Variants in ITPRID1 observed in about 807,000 individuals in gnomAD.
The protein encoded by ITPRID1 is protein ITPRID1.
ITPRID1 carries 96 observed loss-of-function variants against 95.4 expected under a neutral mutation model. The ratio of observed to expected loss-of-function variants is 1.01; its 90% CI spans 0.85 to 1.19. ITPRID1 has a LOEUF of 1.19. Among genes scored for constraint, ITPRID1 ranks in the 50% most tolerant of loss-of-function variants. The probability of loss-of-function intolerance (pLI) is 0.00; values close to 1 mark genes in which losing one functional copy is unlikely to be tolerated. For synonymous variants in ITPRID1, 510 were observed against 453.6 expected (o/e 1.12, Z -1.58); for missense variants, 1,339 against 1,252.9 (o/e 1.07, Z -1.04).
downstream of ITPRID1, chr7:31,658,318 G>A: frequency 6.6e-7 from 1 of 1,516,232 alleles, no homozygotes; most frequent in Non-Finnish European, 8.8e-7. Context: ...TTCTTCAAAA[G>A]CAAATAACTC....
At chr7:31,583,706 C>G (rs1420422960) in intron 10 of ITPRID1, among the ~76,000 whole-genome samples, 1 of 152,138 alleles carries the variant, frequency 6.6e-6, no homozygotes, top group African/African-American at 2.4e-5. Flanking sequence ...CAGAAACGTT[C>G]AATATTCCTG....
intron 1 of ITPRID1, among the ~76,000 whole-genome samples, chr7:31,516,852 T>C (rs760000479): frequency 4.6e-5 from 7 of 152,178 alleles, no homozygotes; most frequent in Non-Finnish European, 8.8e-5. Flanking sequence ...ACTTCAAGAA[T>C]GAAGCCACAG....
chr7:31,531,546 T>C (rs1051060616), intron 1 of ITPRID1, among the ~76,000 whole-genome samples: 4 of 152,202 alleles, frequency 2.6e-5, no homozygotes, highest in Admixed American at 6.5e-5. Flanking sequence ...TAGGTTTGGC[T>C]GTGTCAGTCA....
chr7:31,520,619 T>G (rs1208443229), intron 1 of ITPRID1, among the ~76,000 whole-genome samples: 1 of 151,848 alleles, frequency 6.6e-6, no homozygotes, highest in East Asian at 1.9e-4. Context: ...TATAAAGTGA[T>G]ATAAGCTCAT....
chr7:31,545,150 C>G (rs1458647458), intron 1 of ITPRID1, among the ~76,000 whole-genome samples: 1 of 152,088 alleles, frequency 6.6e-6, no homozygotes, highest in African/African-American at 2.4e-5. Context: ...AAAGAAGTTT[C>G]TATAGAATAA....
intron 10 of ITPRID1, among the ~76,000 whole-genome samples, chr7:31,585,501 A>G (rs545028234): frequency 6.6e-6 from 1 of 152,328 alleles, no homozygotes; most frequent in East Asian, 1.9e-4. Context: ...TGCTATTTAA[A>G]AGGAAGAAGA....
At chr7:31,645,619 T>C (rs530900361) in intron 12 of ITPRID1, among the ~76,000 whole-genome samples, 1 of 152,080 alleles carries the variant, frequency 6.6e-6, no homozygotes, top group African/African-American at 2.4e-5. Flanking sequence ...ACCACCACCA[T>C]CATCATTATT....
At chr7:31,586,311 T>C (rs1227052203) in intron 10 of ITPRID1, among the ~76,000 whole-genome samples, 1 of 147,888 alleles carries the variant, frequency 6.8e-6, no homozygotes, top group Non-Finnish European at 1.5e-5. Context: ...CGTGTGCATG[T>C]GTCTTTATAG....
chr7:31,540,454 ATAAAAAT>A (rs1299845533), intron 1 of ITPRID1, among the ~76,000 whole-genome samples: 1 of 152,210 alleles, frequency 6.6e-6, no homozygotes, highest in Non-Finnish European at 1.5e-5. Context: ...GTAAAAAATA[ATAAAAAT>A]TAAAAACATG....
intron 5 of ITPRID1, 155 bp downstream of exon 5, chr7:31,555,056 A>G: frequency 3.3e-6 from 2 of 610,448 alleles, no homozygotes; most frequent in East Asian, 5.8e-5. Flanking sequence ...CATTTGACAT[A>G]TGACTGCGAC....
At chr7:31,571,119 C>T (rs1411628777) in intron 6 of ITPRID1, among the ~76,000 whole-genome samples, 2 of 152,122 alleles carry the variant, frequency 1.3e-5, no homozygotes, top group East Asian at 1.9e-4. Flanking sequence ...ATCTCCACCT[C>T]CTGGGTTCAA....
intron 12 of ITPRID1, among the ~76,000 whole-genome samples, chr7:31,650,175 G>A (rs754389343): frequency 9.9e-5 from 15 of 152,158 alleles, no homozygotes; most frequent in Admixed American, 2.6e-4. Flanking sequence ...TGAGTTGTAA[G>A]AAATACATAT....
intron 10 of ITPRID1, among the ~76,000 whole-genome samples, chr7:31,640,030 A>G (rs1485610098): frequency 2.0e-5 from 3 of 152,160 alleles, no homozygotes; most frequent in African/African-American, 7.2e-5. Context: ...ATAGTACTAT[A>G]TTCCCATAAA....
At chr7:31,567,338 C>A (rs1784834684) in intron 5 of ITPRID1, among the ~76,000 whole-genome samples, 1 of 152,116 alleles carries the variant, frequency 6.6e-6, no homozygotes, top group Non-Finnish European at 1.5e-5. Flanking sequence ...CCATCTTACC[C>A]TGTTTCTTTT....
At chr7:31,555,071 ATG>A in intron 5 of ITPRID1, 170 bp downstream of exon 5, 1 of 578,384 alleles carries the variant, frequency 1.7e-6, no homozygotes, top group Non-Finnish European at 3.1e-6. Flanking sequence ...TGCGACAAAA[ATG>A]ATAGGTGCTT....
At chr7:31,580,684 A>G (rs949671425) in intron 9 of ITPRID1, among the ~76,000 whole-genome samples, 3 of 150,526 alleles carry the variant, frequency 2.0e-5, no homozygotes, top group Non-Finnish European at 4.4e-5. Flanking sequence ...ACAAAATCAC[A>G]TGTTTCTTCG....
intron 5 of ITPRID1, among the ~76,000 whole-genome samples, chr7:31,566,774 C>A (rs1392971598): frequency 6.6e-6 from 1 of 152,132 alleles, no homozygotes; most frequent in Non-Finnish European, 1.5e-5. Flanking sequence ...CAACTTCAAT[C>A]AATTGGCAGT....
downstream of ITPRID1, among the ~76,000 whole-genome samples, chr7:31,657,591 G>T (rs1322918892): frequency 1.3e-5 from 2 of 152,104 alleles, no homozygotes; most frequent in Non-Finnish European, 2.9e-5. Context: ...CCACTGCCAA[G>T]AATAATGGCA....
intron 1 of ITPRID1, among the ~76,000 whole-genome samples, 198 bp from the exon 2 acceptor site, chr7:31,549,228 C>T (rs1467366985): frequency 2.0e-5 from 3 of 152,158 alleles, no homozygotes; most frequent in Non-Finnish European, 4.4e-5. Flanking sequence ...ATAAGCACCT[C>T]TAACTCATCT....
Sources: gnomAD v4.1 joint callset for allele counts (sites outside exome capture counted in the v4.1 genomes callset) on GRCh38, gnomAD v4.1.1 for gene constraint, MANE v1.5 for transcripts, NCBI Gene and HGNC (gene_info 2026-07-23, HGNC 2026-07-21) for gene names.